Variants in KDR observed in about 807,000 individuals in gnomAD.
The protein encoded by KDR is kinase insert domain receptor.
A neutral mutation model predicts 160.9 loss-of-function variants in KDR; 43 were observed. That is an observed-to-expected ratio of 0.27 (90% CI 0.21 to 0.34). The LOEUF is 0.34. Ranked by LOEUF, KDR falls within the 10% of genes least tolerant of loss-of-function variation. The pLI, the probability that KDR is intolerant of heterozygous loss-of-function variation, is 1.00. For missense variants in KDR, 1,469 were observed against 1,666.4 expected (o/e 0.88, Z 2.06); for synonymous variants, 617 against 600.1 (o/e 1.03, Z -0.41).
intron 19 of KDR, 145 bp downstream of exon 19, chr4:55,096,084 C>T: frequency 3.1e-6 from 2 of 635,694 alleles, no homozygotes; most frequent in Non-Finnish European, 5.6e-6. Flanking sequence ...CCAATTAAAC[C>T]TCCATGAAAT....
intron 27 of KDR, among the ~76,000 whole-genome samples, chr4:55,086,317 C>T (rs912550913): frequency 3.9e-5 from 6 of 152,132 alleles, no homozygotes; most frequent in African/African-American, 1.4e-4. Flanking sequence ...CAGCCATTTT[C>T]AAACAGCACC....
rs531364165 is a variant in KDR at position 55,089,605 on chromosome 4, G to C, written c.3304+86C>G. Reference sequence around the variant, plus strand: ...TCAAAGCTTCCGAGAAGTTTTGCCTGATAGACATGAAGTACAGGAGAGGAA... The same window carrying C: ...TCAAAGCTTCCGAGAAGTTTTGCCTCATAGACATGAAGTACAGGAGAGGAA... On this transcript the variant is annotated intron_variant, in intron 24 of 29. Transcript: ENST00000263923. 3.3e-5 allele frequency: 46 copies of C among 1,375,714 alleles called. No homozygotes were observed. In the African/African-American group the frequency reaches 6.4e-4, roughly 19 times the overall value. The allele number at this position is 1,375,714 out of a possible 1,614,324, so 85.2% of individuals were successfully genotyped here.
intron 3 of KDR, among the ~76,000 whole-genome samples, chr4:55,115,664 C>A (rs1212522745): frequency 1.3e-5 from 2 of 151,968 alleles, no homozygotes; most frequent in Admixed American, 6.6e-5. Flanking sequence ...TGAAAAAAAA[C>A]TCCCAATTGA....
At position 55,110,734 on chromosome 4, in the gene KDR, T is replaced by C. The variant is rs772177647; in HGVS notation, c.1011A>G (p.Glu337=). 1.7e-5 allele frequency: 28 copies of C among 1,612,988 alleles called. No homozygotes were observed. The highest frequency in any genetic ancestry group is 2.4e-5 in the Non-Finnish European group (28 of 1,179,834). Residue 337 remains glutamate (E), a synonymous_variant, in exon 8 of 30, where the codon GAA becomes GAG. Coordinates refer to ENST00000263923, the MANE Select transcript of KDR (RefSeq NM_002253.4). The part of the protein sequence containing the change: ...KPFVAFGSGM[E]SLVEATVGER... ...CCCCCACCGTGGCTTCCACCAGAGATTCCATGCCACTTCCAAAAGCAACAA... is the reference window on the plus strand; with the variant it reads ...CCCCCACCGTGGCTTCCACCAGAGACTCCATGCCACTTCCAAAAGCAACAA...
intron 20 of KDR, 66 bp from the exon 21 acceptor site, chr4:55,095,021 C>T: frequency 6.9e-7 from 1 of 1,456,596 alleles, no homozygotes. Flanking sequence ...AGTTTACAAC[C>T]TTTAAAATGT....
intron 22 of KDR, among the ~76,000 whole-genome samples, chr4:55,091,859 C>T (rs374731277): frequency 1.2e-4 from 18 of 152,296 alleles, no homozygotes; most frequent in South Asian, 2.1e-4. Flanking sequence ...CCTTGCTCCC[C>T]GCTTGGTGTT....
rs568821012 is a variant in KDR at position 55,106,874 on chromosome 4, A to C, written c.1413-64T>G. The C allele has an allele frequency of 4.3e-6, 6 of 1,380,668 alleles. No homozygotes were observed. In the East Asian group the frequency reaches 1.4e-4, roughly 32 times the overall value. The allele number at this position is 1,380,668 out of a possible 1,614,324, so 85.5% of individuals were successfully genotyped here. A position where few individuals can be genotyped will look rare whatever the true frequency, so the allele number is the denominator to read the frequency against. On this transcript the variant is annotated intron_variant, in intron 10 of 29. Coordinates refer to ENST00000263923, the MANE Select transcript of KDR (RefSeq NM_002253.4). The stretch of plus-strand genomic sequence containing the variant: ...TTTTCTTTAATTAGAGTCAAGAGTA[A>C]GGAAAAGATTCAGACTTTGGTTATT...
Position 55,105,856 on chromosome 4 carries a change from T to C in KDR, c.1621A>G (p.Arg541Gly). The C allele has an allele frequency of 6.2e-7, 1 of 1,609,526 alleles. No homozygotes were observed. Among genetic ancestry groups the C allele is most frequent in the Non-Finnish European group, 8.5e-7 (1 of 1,175,872 alleles). Residue 541 changes from arginine (R) to glycine (G), a missense_variant, in exon 12 of 30, where the codon AGG becomes GGG. Arg to Gly is a moderately radical substitution (Grantham distance 125). This residue lies in a region of KDR where 792 missense variants were observed against 840.9 expected (regional missense o/e 0.94). Coordinates refer to ENST00000263923, the MANE Select transcript of KDR (RefSeq NM_002253.4). ...CTGGTCACGTGGAAGGAGATCACCC[T>C]CTCTCCTCTCCCGACTTTGTTGACC... ...EAVNKVGRGE[R>G]VISFHVTRGP...
intron 19 of KDR, 85 bp downstream of exon 19, chr4:55,096,144 G>T (rs1720146937): frequency 3.9e-6 from 3 of 766,938 alleles, no homozygotes; most frequent in Admixed American, 3.6e-5. Context: ...GAAAATCAAG[G>T]CCAGAGGAGT....
intron 22 of KDR, 116 bp from the exon 23 acceptor site, chr4:55,090,194 G>C (rs1719973679): frequency 8.6e-7 from 1 of 1,166,138 alleles, no homozygotes; most frequent in African/African-American, 1.5e-5. Context: ...GATTAACAAG[G>C]ACTGGGTTAG....
rs1315415556 is a variant in KDR, at chr4:55,079,079, A to G, written c.*862T>C. 1 of 233,220 alleles carries G rather than the reference A, an allele frequency of 4.3e-6. No individual in the cohort carries two copies. The highest frequency in any genetic ancestry group is 6.0e-5 in the East Asian group (1 of 16,612). 14.4% of individuals were successfully genotyped at this position (233,220 alleles called of 1,614,324 possible). Reference sequence around the variant, plus strand: ...GGTATTCATTCCAGAAGAAACCAGAAGCTGGTTTGTGCAGTCAGAACTCTT... The same window carrying G: ...GGTATTCATTCCAGAAGAAACCAGAGGCTGGTTTGTGCAGTCAGAACTCTT... On this transcript the variant is annotated 3_prime_UTR_variant, in exon 30 of 30. Coordinates refer to ENST00000263923, the MANE Select transcript of KDR (RefSeq NM_002253.4).
At chr4:55,086,828 GCAGGCTGGACCCATGCTGT>G (rs1421157984) in intron 27 of KDR, among the ~76,000 whole-genome samples, 2 of 152,186 alleles carry the variant, frequency 1.3e-5, no homozygotes, top group African/African-American at 4.8e-5. Flanking sequence ...ACTCGGGCTG[GCAGGCTGGACCCATGCTGT>G]CAGGGGTTCC....
chr4:55,106,629 T>C, intron 11 of KDR, 58 bp downstream of exon 11: 1 of 1,249,572 alleles, frequency 8.0e-7, no homozygotes, highest in Admixed American at 1.7e-5. Flanking sequence ...CACATATTAT[T>C]GTACCATCCT....
intron 27 of KDR, among the ~76,000 whole-genome samples, chr4:55,087,392 A>G (rs996633171): frequency 6.6e-6 from 1 of 152,232 alleles, no homozygotes; most frequent in African/African-American, 2.4e-5. Flanking sequence ...CTTAAAGGCA[A>G]TGCTGTGGCA....
intron 11 of KDR, 23 bp downstream of exon 11, chr4:55,106,664 A>G (rs1352949990): frequency 1.3e-6 from 2 of 1,498,296 alleles, no homozygotes; most frequent in Non-Finnish European, 9.3e-7. Context: ...AGAGATTTTC[A>G]AATTTTAAAA....
chr4:55,097,796 A>G (rs1217474492), intron 17 of KDR, 30 bp from the exon 18 acceptor site: 1 of 1,482,130 alleles, frequency 6.7e-7, no homozygotes, highest in Non-Finnish European at 9.4e-7. Flanking sequence ...CAACAAGAAA[A>G]CAGACTTGGA....
intron 27 of KDR, among the ~76,000 whole-genome samples, chr4:55,085,056 A>C (rs970117468): frequency 1.3e-5 from 2 of 152,244 alleles, no homozygotes; most frequent in African/African-American, 4.8e-5. Context: ...ACCTTTCTCT[A>C]AGAGAGAACT....
At position 55,104,522 on chromosome 4, in the gene KDR, G is replaced by T. The variant is rs564264577; in HGVS notation, c.1987+121C>A. ...TTCCTCAAGGACTTTCGGTGAAGAA[G>T]TGTGCACCAGTTTACAACATAATCT... On this transcript the variant is annotated intron_variant, in intron 13 of 29. Transcript: ENST00000263923. 3.9e-6 allele frequency: 3 copies of T among 777,494 alleles called. No individual in the cohort carries two copies. The East Asian group carries it at 8.0e-5, about 21-fold the overall frequency. 48.2% of individuals were successfully genotyped at this position (777,494 alleles called of 1,614,324 possible). A position where few individuals can be genotyped will look rare whatever the true frequency, so the allele number is the denominator to read the frequency against.
rs1194087645 is a variant in KDR at position 55,102,005 on chromosome 4, G to C, written c.2158C>G (p.Arg720Gly). Residue 720 changes from arginine (R) to glycine (G), a missense_variant, in exon 15 of 30, where the codon CGG becomes GGG. By Grantham distance (125) the Arg-to-Gly change is moderately radical. This residue lies in a region of KDR where 39 missense variants were observed against 72.1 expected (regional missense o/e 0.54). Coordinates refer to ENST00000263923, the MANE Select transcript of KDR (RefSeq NM_002253.4). Reference protein sequence around the residue: ...DSGIVLKDGNRNLTIRRVRKE... With the variant: ...DSGIVLKDGNGNLTIRRVRKE... ...CTCACTCTGCGGATAGTGAGGTTCCGGTTCCCATCCTTCAATACAATGCCT... is the reference window on the plus strand; with the variant it reads ...CTCACTCTGCGGATAGTGAGGTTCCCGTTCCCATCCTTCAATACAATGCCT... 1.9e-6 allele frequency: 3 copies of C among 1,613,266 alleles called. No homozygotes were observed. The African/African-American group carries it at 4.0e-5, about 22-fold the overall frequency.
Sources: allele counts gnomAD v4.1 joint callset (sites outside exome capture counted in the v4.1 genomes callset), GRCh38; gene constraint gnomAD v4.1.1; regional missense constraint gnomAD v4.1.1; transcripts MANE v1.5; gene names NCBI Gene and HGNC (gene_info 2026-07-23, HGNC 2026-07-21).